MACROD2: variants seen among roughly 807,000 people sequenced by gnomAD.
The protein encoded by MACROD2 is mono-ADP ribosylhydrolase 2.
MACROD2 carries 36 observed loss-of-function variants against 70.4 expected under a neutral mutation model. The observed-to-expected ratio is 0.51, with a 90% CI of 0.39 to 0.68. The LOEUF is 0.68. MACROD2 is among the 30% of genes least tolerant of loss of function. The pLI, the probability that MACROD2 is intolerant of heterozygous loss-of-function variation, is 0.00. For missense variants in MACROD2, 496 were observed against 538.4 expected (o/e 0.92, Z 0.78); for synonymous variants, 172 against 178.8 (o/e 0.96, Z 0.30).
At chr20:14,604,989 G>A (rs1982713902) in intron 4 of MACROD2, among the ~76,000 whole-genome samples, 1 of 152,092 alleles carries the variant, frequency 6.6e-6, no homozygotes, top group African/African-American at 2.4e-5. Flanking sequence ...TCACACTTAT[G>A]TTTGCATAAT....
At chr20:15,995,583 C>T (rs1244250241) in intron 15 of MACROD2, among the ~76,000 whole-genome samples, 1 of 150,114 alleles carries the variant, frequency 6.7e-6, no homozygotes, top group Non-Finnish European at 1.5e-5. Context: ...ATCTCCTGAC[C>T]TCATGATCTG....
At chr20:14,319,498 C>T (rs564641203) in intron 3 of MACROD2, among the ~76,000 whole-genome samples, 4 of 152,124 alleles carry the variant, frequency 2.6e-5, no homozygotes, top group Non-Finnish European at 5.9e-5. Context: ...CCCAACAAGA[C>T]CCCTTCACCC....
intron 2 of MACROD2, among the ~76,000 whole-genome samples, chr20:14,009,002 C>T (rs767399802): frequency 2.3e-4 from 35 of 152,116 alleles, no homozygotes; most frequent in Admixed American, 6.6e-4. Context: ...ATGTAAAACC[C>T]CAAACTAAAA....
chr20:14,391,082 G>A (rs1449422108), intron 3 of MACROD2, among the ~76,000 whole-genome samples: 1 of 152,112 alleles, frequency 6.6e-6, no homozygotes, highest in East Asian at 1.9e-4. Context: ...AAAAGACCTA[G>A]AGACAGAAAT....
At chr20:15,901,996 A>G (rs1334615153) in intron 10 of MACROD2, among the ~76,000 whole-genome samples, 2 of 152,196 alleles carry the variant, frequency 1.3e-5, no homozygotes, top group Non-Finnish European at 2.9e-5. Context: ...AAATATGGCC[A>G]ATGGAACCCT....
At chr20:15,995,017 T>C (rs1601292928) in intron 15 of MACROD2, among the ~76,000 whole-genome samples, 2 of 152,210 alleles carry the variant, frequency 1.3e-5, no homozygotes, top group East Asian at 1.9e-4. Context: ...GACTAGAAAA[T>C]GGAAACTTGA....
At chr20:14,271,854 C>T (rs1053860236) in intron 3 of MACROD2, among the ~76,000 whole-genome samples, 4 of 152,024 alleles carry the variant, frequency 2.6e-5, no homozygotes, top group African/African-American at 9.7e-5. Context: ...AACACAGAAG[C>T]CTCAGGAGCT....
intron 8 of MACROD2, among the ~76,000 whole-genome samples, chr20:15,528,903 C>T (rs1361498896): frequency 6.6e-6 from 1 of 152,152 alleles, no homozygotes; most frequent in East Asian, 1.9e-4. Context: ...AGCATTCTCT[C>T]TTCTCTGAAT....
intron 9 of MACROD2, among the ~76,000 whole-genome samples, chr20:15,885,152 G>A (rs1013862886): frequency 2.6e-5 from 4 of 152,092 alleles, no homozygotes; most frequent in South Asian, 2.1e-4. Flanking sequence ...AAGAGCAAGC[G>A]TGTCATCTAT....
chr20:14,042,217 G>T (rs552879805), intron 2 of MACROD2, among the ~76,000 whole-genome samples: 2 of 152,254 alleles, frequency 1.3e-5, no homozygotes, highest in South Asian at 4.2e-4. Context: ...GTAGAATCCA[G>T]AGTACTAAGT....
intron 8 of MACROD2, among the ~76,000 whole-genome samples, chr20:15,508,340 T>G (rs2047454571): frequency 6.6e-6 from 1 of 151,938 alleles, no homozygotes. Flanking sequence ...TAAATAGGCA[T>G]GGAGGGTAAT....
At position 15,204,484 on chromosome 20, in the gene MACROD2, G is replaced by A. The variant is rs559070114; in HGVS notation, c.419-25456G>A. On this transcript the variant is annotated intron_variant, in intron 5 of 17. Transcript: ENST00000684519. The stretch of plus-strand genomic sequence containing the variant: ...AATTGTAATGTGCTCATAAAGAAGT[G>A]TTGTAGTATATCAGAGATGACATGG... Among the ~76,000 whole-genome samples the A allele has an allele frequency of 4.6e-5, 7 of 152,200 alleles. No individual in the cohort carries two copies. In the South Asian group the frequency reaches 1.0e-3, roughly 23 times the overall value.
intron 5 of MACROD2, among the ~76,000 whole-genome samples, chr20:15,151,042 C>T (rs187267177): frequency 7.8e-4 from 118 of 152,132 alleles, no homozygotes; most frequent in African/African-American, 2.3e-3. Context: ...TAAAGCTCGG[C>T]GTCCACGATG....
intron 8 of MACROD2, among the ~76,000 whole-genome samples, chr20:15,847,325 G>A (rs891722603): frequency 2.1e-4 from 32 of 152,168 alleles, no homozygotes; most frequent in African/African-American, 7.5e-4. Flanking sequence ...AAGCAATTGA[G>A]TGGTGACTCT....
At chr20:14,579,197 A>G (rs2123341708) in intron 4 of MACROD2, among the ~76,000 whole-genome samples, 1 of 126,306 alleles carries the variant, frequency 7.9e-6, no homozygotes, top group Admixed American at 1.0e-4. Flanking sequence ...TGCGGACTGC[A>G]GTGGCGCAAT....
At chr20:14,997,333 G>A (rs2074958515) in intron 5 of MACROD2, among the ~76,000 whole-genome samples, 1 of 152,124 alleles carries the variant, frequency 6.6e-6, no homozygotes, top group Admixed American at 6.5e-5. Context: ...GCCTTGAAGG[G>A]GAAGTATCTA....
At chr20:14,626,137 A>G (rs974504783) in intron 4 of MACROD2, among the ~76,000 whole-genome samples, 2 of 152,056 alleles carry the variant, frequency 1.3e-5, no homozygotes, top group African/African-American at 4.8e-5. Context: ...TTTCTGTTCT[A>G]TCAACATTGT....
chr20:15,576,802 A>C lies in MACROD2; in HGVS notation c.645+76955A>C, dbSNP rs116573882. On this transcript the variant is annotated intron_variant, in intron 8 of 17. Coordinates refer to ENST00000684519, the MANE Select transcript of MACROD2 (RefSeq NM_001351661.2). Reference sequence around the variant, plus strand: ...ATTTATTTTTTCCCAATTAATCCACACTCAATAATTTCCCCAAGTTATCTT... The same window carrying C: ...ATTTATTTTTTCCCAATTAATCCACCCTCAATAATTTCCCCAAGTTATCTT... Among the ~76,000 whole-genome samples, 1,037 of 152,172 alleles carry C rather than the reference A, an allele frequency of 6.8e-3. 13 individuals are homozygous for C. Among genetic ancestry groups the C allele is most frequent in the African/African-American group, 0.024 (997 of 41,538 alleles).
At chr20:14,622,705 C>T (rs1983898083) in intron 4 of MACROD2, among the ~76,000 whole-genome samples, 1 of 152,106 alleles carries the variant, frequency 6.6e-6, no homozygotes, top group Admixed American at 6.5e-5. Flanking sequence ...GCAAGAAGAA[C>T]AAATCTCACA....
Sources: allele counts gnomAD v4.1 joint callset (sites outside exome capture counted in the v4.1 genomes callset), GRCh38; gene constraint gnomAD v4.1.1; transcripts MANE v1.5; gene names NCBI Gene and HGNC (gene_info 2026-07-23, HGNC 2026-07-21).